The following PLPP4 variants were observed in gnomAD, a reference collection of about 807,000 sequenced individuals.
The protein encoded by PLPP4 is phospholipid phosphatase 4.
Under a neutral mutation model 32.2 loss-of-function variants are expected in PLPP4, and 20 were observed. The ratio of observed to expected loss-of-function variants is 0.62; its 90% CI spans 0.44 to 0.90. The LOEUF is 0.90. Among genes scored for constraint, PLPP4 ranks in the 40% least tolerant of loss-of-function variants. PLPP4 has a pLI of 0.00. For synonymous variants in PLPP4, 127 were observed against 133.0 expected (o/e 0.95, Z 0.31); for missense variants, 257 against 353.1 (o/e 0.73, Z 2.18).
At chr10:120,487,643 T>C (rs2133830544) in intron 1 of PLPP4, among the ~76,000 whole-genome samples, 1 of 152,310 alleles carries the variant, frequency 6.6e-6, no homozygotes, top group African/African-American at 2.4e-5. Context: ...GTATGTTAAG[T>C]GTATAATTCA....
At chr10:120,514,490 T>C (rs973015788) in intron 3 of PLPP4, among the ~76,000 whole-genome samples, 1 of 152,184 alleles carries the variant, frequency 6.6e-6, no homozygotes, top group African/African-American at 2.4e-5. Flanking sequence ...CTATAACTCA[T>C]CTTAAGTTTG....
rs532516101 is a variant in PLPP4, at chr10:120,538,768, T to C, written c.445+17673T>C. Among the ~76,000 whole-genome samples, 18 of 152,336 alleles carry C rather than the reference T, an allele frequency of 1.2e-4. No homozygotes were observed. The East Asian group carries it at 3.5e-3, about 29-fold the overall frequency. ...TTAAGTGTGTGAAATGTGTCAGGTT[T>C]TGTGTTAAGGGCCTTAAAGCCTTTA... is the stretch of plus-strand genomic sequence containing the variant. On this transcript the variant is annotated intron_variant, in intron 5 of 6. Transcript: ENST00000398250.
At chr10:120,580,836 A>C (rs1201453467) in intron 6 of PLPP4, 1 of 1,263,914 alleles carries the variant, frequency 7.9e-7, no homozygotes, top group East Asian at 5.6e-5. Context: ...AAAAACACTG[A>C]AATTCTCCCT....
chr10:120,518,474 T>G (rs1387783126), intron 3 of PLPP4, among the ~76,000 whole-genome samples: 1 of 152,190 alleles, frequency 6.6e-6, no homozygotes, highest in East Asian at 1.9e-4. Flanking sequence ...ATAAAAAAAG[T>G]TATGTTTCTT....
intron 5 of PLPP4, among the ~76,000 whole-genome samples, chr10:120,531,217 T>C (rs531611143): frequency 8.6e-5 from 13 of 151,916 alleles, no homozygotes; most frequent in Middle Eastern, 3.4e-3. Context: ...GTGATTCTTC[T>C]GCCTCAGCCT....
At chr10:120,500,177 G>T (rs1465143154) in intron 1 of PLPP4, among the ~76,000 whole-genome samples, 1 of 152,160 alleles carries the variant, frequency 6.6e-6, no homozygotes, top group Non-Finnish European at 1.5e-5. Flanking sequence ...TTGTGCAAAA[G>T]CCTGGGTGCA....
At chr10:120,545,356 G>A (rs1315806297) in intron 5 of PLPP4, among the ~76,000 whole-genome samples, 1 of 152,108 alleles carries the variant, frequency 6.6e-6, no homozygotes, top group East Asian at 1.9e-4. Flanking sequence ...GATTTTCAGG[G>A]CCAGAGATTT....
chr10:120,558,487 C>T (rs1255133031), intron 5 of PLPP4, among the ~76,000 whole-genome samples: 1 of 149,890 alleles, frequency 6.7e-6, no homozygotes, highest in Admixed American at 6.7e-5. Flanking sequence ...CAGGTCACTG[C>T]GACCTGCAAC....
chr10:120,554,524 A>G (rs1448369288), intron 5 of PLPP4, among the ~76,000 whole-genome samples: 1 of 152,136 alleles, frequency 6.6e-6, no homozygotes, highest in East Asian at 1.9e-4. Flanking sequence ...AGGTATCTTT[A>G]TAGCAATGCC....
chr10:120,471,146 A>G (rs1413865417), intron 1 of PLPP4, among the ~76,000 whole-genome samples: 2 of 152,182 alleles, frequency 1.3e-5, no homozygotes, highest in Admixed American at 6.5e-5. Flanking sequence ...TAGCCATGCT[A>G]TTAAAATTTT....
At position 120,513,945 on chromosome 10, in the gene PLPP4, G is replaced by T. The variant is rs78532507; in HGVS notation, c.200G>T (p.Cys67Phe). The change falls in exon 3 of 7, where the codon TGT (cysteine) becomes TTT (phenylalanine). Residue 67 changes from cysteine (C) to phenylalanine (F), a missense_variant. Physicochemically the swap from Cys to Phe is radical, Grantham distance 205. Transcript: ENST00000398250. ...TTCCTCACACCCCTGGCTGTTATTT[G>T]TGTGGTGAAAATTATCCGGCGAACA... is the stretch of plus-strand genomic sequence containing the variant. The part of the protein sequence containing the change: ...ISFLTPLAVI[C>F]VVKIIRRTDK... 7.2e-5 allele frequency: 116 copies of T among 1,613,894 alleles called. No individual in the cohort carries two copies. Among genetic ancestry groups the T allele is most frequent in the Non-Finnish European group, 9.7e-5 (115 of 1,179,978 alleles).
At chr10:120,477,559 C>T (rs749298265) in intron 1 of PLPP4, among the ~76,000 whole-genome samples, 6 of 152,280 alleles carry the variant, frequency 3.9e-5, no homozygotes, top group Non-Finnish European at 5.9e-5. Flanking sequence ...AGCTCTTGGT[C>T]TGGACTGAGC....
At chr10:120,473,118 C>G (rs1848588236) in intron 1 of PLPP4, among the ~76,000 whole-genome samples, 1 of 152,182 alleles carries the variant, frequency 6.6e-6, no homozygotes, top group African/African-American at 2.4e-5. Flanking sequence ...GTCACATTAT[C>G]TCTCTTCCTT....
intron 5 of PLPP4, among the ~76,000 whole-genome samples, chr10:120,547,952 A>T (rs1262575121): frequency 6.6e-6 from 1 of 152,294 alleles, no homozygotes; most frequent in Middle Eastern, 3.4e-3. Flanking sequence ...AACTTTCCAA[A>T]TATGCTGATT....
chr10:120,462,766 G>A lies in PLPP4; in HGVS notation c.56+5405G>A, dbSNP rs115019240. ...GCCCGCAGAATCTGCATTTTGAACA[G>A]GGGCTCCTTCCATCCGCTGCCTTTG... On this transcript the variant is annotated intron_variant, in intron 1 of 6. Coordinates refer to ENST00000398250, the MANE Select transcript of PLPP4 (RefSeq NM_001030059.3). 6.4e-3 allele frequency among the ~76,000 whole-genome samples: 944 copies of A among 147,924 alleles called. 11 individuals carry two copies. Among genetic ancestry groups the A allele is most frequent in the African/African-American group, 0.022 (896 of 41,336 alleles).
chr10:120,562,062 C>T (rs1195228646), intron 5 of PLPP4, among the ~76,000 whole-genome samples: 4 of 152,206 alleles, frequency 2.6e-5, no homozygotes, highest in Middle Eastern at 3.4e-3. Flanking sequence ...GTGATATCTT[C>T]CTTTCTAAGC....
At chr10:120,503,521 C>G in intron 1 of PLPP4, 2 of 1,583,710 alleles carry the variant, frequency 1.3e-6, no homozygotes, top group Admixed American at 3.6e-5. Flanking sequence ...CTTCAGTTTC[C>G]AGTTTACTTT....
intron 6 of PLPP4, among the ~76,000 whole-genome samples, chr10:120,584,288 GCGAGCTCACAGA>G (rs1849652765): frequency 6.6e-6 from 1 of 152,156 alleles, no homozygotes; most frequent in South Asian, 2.1e-4. Context: ...TCTGTGCTGG[GCGAGCTCACAGA>G]CCCTCACACG....
At chr10:120,539,803 G>C (rs1041516270) in intron 5 of PLPP4, among the ~76,000 whole-genome samples, 1 of 152,000 alleles carries the variant, frequency 6.6e-6, no homozygotes, top group Non-Finnish European at 1.5e-5. Context: ...ATATAATTTT[G>C]GGAGGAGTGA....
Sources: allele counts gnomAD v4.1 joint callset (sites outside exome capture counted in the v4.1 genomes callset), GRCh38; gene constraint gnomAD v4.1.1; transcripts MANE v1.5; gene names NCBI Gene and HGNC (gene_info 2026-07-23, HGNC 2026-07-21).